Variants in TTN observed in about 807,000 individuals in gnomAD.
TTN encodes the protein titin.
Under a neutral mutation model 3,223.0 loss-of-function variants are expected in TTN, and 1,525 were observed. That is an observed-to-expected ratio of 0.47 (90% confidence interval 0.45 to 0.49). The LOEUF (loss-of-function observed/expected upper bound fraction) is 0.49, where lower values mean the gene tolerates loss of function less well. TTN is among the 20% of genes least tolerant of loss of function. The probability of loss-of-function intolerance (pLI) is 0.00; values close to 1 mark genes in which losing one functional copy is unlikely to be tolerated. For synonymous variants in TTN, 14,094 were observed against 15,161.0 expected (o/e 0.93, Z 5.17); for missense variants, 40,786 against 43,424.0 (o/e 0.94, Z 5.40).
In TTN at chr2:178,558,118, G is replaced by C. The variant is rs1057520580; in HGVS notation, c.87236C>G (p.Ser29079Ter). The C allele has an allele frequency of 6.2e-7, 1 of 1,613,856 alleles. No individual in the cohort carries two copies. Among genetic ancestry groups the C allele is most frequent in the Non-Finnish European group, 8.5e-7 (1 of 1,179,824 alleles). ...TGCCTTAAGGGGGACACCATCTCTT[G>C]ATAAGGTCACTTTGGGAAGTGGTTT... Reference protein sequence around the residue: ...SGKPLPKVTLSRDGVPLKATM... With the variant: ...SGKPLPKVTL Residue 29079 changes from serine (S) to a stop codon, truncating the protein, a stop_gained, in exon 328 of 363, where the codon TCA becomes TGA. Transcript: ENST00000589042. LOFTEE classifies it high-confidence loss of function.
chr2:178,637,145 G>GGATA (rs1195810757), intron 224 of TTN, among the ~76,000 whole-genome samples: 6 of 19,180 alleles, frequency 3.1e-4, no homozygotes, highest in African/African-American at 7.3e-4. Context: ...AAATATAGTT[G>GGATA]GATATATATA....
chr2:178,651,143 T>C, intron 208 of TTN, 100 bp downstream of exon 208: 1 of 960,646 alleles, frequency 1.0e-6, no homozygotes, highest in Non-Finnish European at 1.6e-6. Flanking sequence ...AGTTTTGTAG[T>C]TGCAAATTTA....
Position 178,577,228 on chromosome 2 carries a change from G to A in TTN, c.69107C>T (p.Thr23036Ile), listed in dbSNP as rs1056452429. The A allele has an allele frequency of 1.2e-6, 2 of 1,612,970 alleles. No homozygotes were observed. Among genetic ancestry groups the A allele is most frequent in the Admixed American group, 1.7e-5 (1 of 59,932 alleles). The change falls in exon 324 of 363, where the codon ACA becomes ATA. Residue 23036 changes from threonine to isoleucine, a missense_variant. By Grantham distance (89) the Thr-to-Ile change is moderately conservative. Transcript: ENST00000589042. ...TGGGGGACCAGGTACATCAAGGACT[G>A]TTACCTTCACATGTTCCACCTTCGT... Reference protein sequence around the residue: ...FGTKVEHVKVTVLDVPGPPGP... With the variant: ...FGTKVEHVKVIVLDVPGPPGP...
chr2:178,728,789 A>G lies in TTN; in HGVS notation c.19148-11T>C. 6.3e-7 allele frequency: 1 copy of G among 1,590,016 alleles called. No homozygotes were observed. The highest frequency in any genetic ancestry group is 8.6e-7 in the Non-Finnish European group (1 of 1,163,784). On this transcript the variant is annotated splice_polypyrimidine_tract_variant and intron_variant, in intron 65 of 362. Coordinates refer to ENST00000589042, the MANE Select transcript of TTN (RefSeq NM_001267550.2). ...CGATTTGAGCTGGTTCTGTAGTAAAAATGAAAATGTGGATGAGTTACATTG... is the reference window on the plus strand; with the variant it reads ...CGATTTGAGCTGGTTCTGTAGTAAAGATGAAAATGTGGATGAGTTACATTG...
In TTN at chr2:178,719,249, C is replaced by T; in HGVS notation, c.24141G>A (p.Leu8047=). The T allele has an allele frequency of 6.2e-7, 1 of 1,613,698 alleles. No individual in the cohort carries two copies. The highest frequency in any genetic ancestry group is 8.5e-7 in the Non-Finnish European group (1 of 1,179,730). Residue 8047 remains leucine (L), a synonymous_variant, in exon 83 of 363, where the codon TTG becomes TTA. Transcript: ENST00000589042. ...ENVCTLNLSL[L]EPSDTGIYTC... ...TGTATATGCCTGTGTCGGAGGGCTC[C>T]AACAAGCTCAGATTCAAAGTACAGA...
rs764365197 is a variant in TTN at position 178,678,216 on chromosome 2, G to T, written c.33911-8C>A. The T allele has an allele frequency of 1.9e-5, 30 of 1,597,446 alleles. No individual in the cohort carries two copies. The South Asian group carries it at 2.8e-4, about 15-fold the overall frequency. Reference sequence around the variant, plus strand: ...TCTTGGGCACCTCTGGCACTTTAAAGATATTATTTATATTTAGGAATATGT... The same window carrying T: ...TCTTGGGCACCTCTGGCACTTTAAATATATTATTTATATTTAGGAATATGT... On this transcript the variant is annotated splice_region_variant and splice_polypyrimidine_tract_variant and intron_variant, in intron 144 of 362. Transcript: ENST00000589042.
intron 47 of TTN, chr2:178,751,884 AAG>A: frequency 6.2e-7 from 1 of 1,604,846 alleles, no homozygotes; most frequent in South Asian, 1.1e-5. Context: ...TTCTGGGTAA[AAG>A]AAGGCTTAAA....
At position 178,546,879 on chromosome 2, in the gene TTN, C is replaced by T. The variant is rs754507654; in HGVS notation, c.94549G>A (p.Asp31517Asn). 6.3e-7 allele frequency: 1 copy of T among 1,592,946 alleles called. No individual in the cohort carries two copies. The highest frequency in any genetic ancestry group is 1.3e-5 in the African/African-American group (1 of 74,700). ...AGTGATACTGTTGATCTTGTGACAT[C>T]TGTCACCTCTGGTCTGCCTGGTGCA... is the stretch of plus-strand genomic sequence containing the variant. ...VDAPGRPEVT[D>N]VTRSTVSLIW... The change falls in exon 341 of 363, where the codon GAT (aspartate) becomes AAT (asparagine). Residue 31517 changes from aspartate to asparagine, a missense_variant. Coordinates refer to ENST00000589042, the MANE Select transcript of TTN (RefSeq NM_001267550.2).
chr2:178,771,457 T>G lies in TTN; in HGVS notation c.7870A>C (p.Lys2624Gln). Residue 2624 changes from lysine (K) to glutamine (Q), a missense_variant, in exon 34 of 363, where the codon AAG (lysine) becomes CAG (glutamine). By Grantham distance (53) the Lys-to-Gln change is moderately conservative. Coordinates refer to ENST00000589042, the MANE Select transcript of TTN (RefSeq NM_001267550.2). ...KLTVAGGAIS[K>Q]PLTDQTVAES... Reference sequence around the variant, plus strand: ...GCTACGGTCTGATCTGTGAGTGGCTTGGAGATGGCCCCACCTTTGGAACAA... The same window carrying G: ...GCTACGGTCTGATCTGTGAGTGGCTGGGAGATGGCCCCACCTTTGGAACAA... 1 of 1,613,910 alleles carries G rather than the reference T, an allele frequency of 6.2e-7. No individual in the cohort carries two copies. Among genetic ancestry groups the G allele is most frequent in the South Asian group, 1.1e-5 (1 of 91,080 alleles).
chr2:178,724,647 C>T (rs1246373899), intron 71 of TTN, 109 bp from the exon 72 acceptor site: 2 of 1,142,748 alleles, frequency 1.8e-6, no homozygotes, highest in Non-Finnish European at 2.3e-6. Context: ...TGTTAGGGTG[C>T]TCTCTCTCTC....
chr2:178,552,606 G>T lies in TTN; in HGVS notation c.90294C>A (p.Val30098=), dbSNP rs765776062. 1.2e-6 allele frequency: 2 copies of T among 1,613,832 alleles called. No homozygotes were observed. The highest frequency in any genetic ancestry group is 2.2e-5 in the South Asian group (2 of 91,078). ...IEVSQLKEQS[V]LEFRVFAKNE... is the part of the protein sequence containing the mutation. ...TTTTGGCAAACACTCTGAACTCCAG[G>T]ACTGACTGCTCCTTAAGTTGGCTAA... The change falls in exon 335 of 363, where the codon GTC becomes GTA. Residue 30098 remains valine, a synonymous_variant. Coordinates refer to ENST00000589042, the MANE Select transcript of TTN (RefSeq NM_001267550.2).
intron 47 of TTN, chr2:178,749,948 G>A (rs1415794702): frequency 6.2e-7 from 1 of 1,613,044 alleles, no homozygotes; most frequent in Non-Finnish European, 8.5e-7. Flanking sequence ...AGTAATATCA[G>A]ACAAAAATAC....
At chr2:178,624,860 C>T (rs1249808211) in intron 241 of TTN, 129 bp from the exon 242 acceptor site, 14 of 1,008,568 alleles carry the variant, frequency 1.4e-5, no homozygotes, top group Non-Finnish European at 2.0e-5. Flanking sequence ...GTTTTGATTA[C>T]ACTCAGACAT....
chr2:178,805,937 G>T (rs1292644603), intron 1 of TTN, among the ~76,000 whole-genome samples: 1 of 152,140 alleles, frequency 6.6e-6, no homozygotes. Flanking sequence ...ATTATGTGAA[G>T]AATTTTCTGA....
rs1488977812 is a variant in TTN at position 178,672,708 on chromosome 2, A to G, written c.34787-5T>C. On this transcript the variant is annotated splice_polypyrimidine_tract_variant and splice_region_variant and intron_variant, in intron 152 of 362. Transcript: ENST00000589042. Reference sequence around the variant, plus strand: ...CCTCAGGAATTTTCTTTGACACTTTAAAGATATTAGGTGTTTTAGTTAGCT... The same window carrying G: ...CCTCAGGAATTTTCTTTGACACTTTGAAGATATTAGGTGTTTTAGTTAGCT... 11 of 1,596,108 alleles carry G rather than the reference A, an allele frequency of 6.9e-6. No individual in the cohort carries two copies. The highest frequency in any genetic ancestry group is 8.5e-6 in the Non-Finnish European group (10 of 1,170,030).
chr2:178,614,955 C>T lies in TTN; in HGVS notation c.48652G>A (p.Gly16218Ser), dbSNP rs566086846. 2.5e-6 allele frequency: 4 copies of T among 1,598,334 alleles called. No homozygotes were observed. In the Admixed American group the frequency reaches 5.2e-5, roughly 21 times the overall value. ...PVAETKMEVT[G>S]LEEGKWYAYR... ...GCATACCATTTGCCTTCCTCAAGAC[C>T]TGTCACTTCCATTCTGTCAGAAAAC... The change falls in exon 260 of 363, where the codon GGT (glycine) becomes AGT (serine). Residue 16218 changes from glycine (G) to serine (S), a missense_variant. By Grantham distance (56) the Gly-to-Ser change is moderately conservative. Coordinates refer to ENST00000589042, the MANE Select transcript of TTN (RefSeq NM_001267550.2).
chr2:178,682,667 G>A (rs746886930), intron 135 of TTN, 30 bp downstream of exon 135: 1 of 1,568,634 alleles, frequency 6.4e-7, no homozygotes, highest in African/African-American at 1.4e-5. Flanking sequence ...CATATTTAGT[G>A]TGGTTTTGAG....
chr2:178,594,655 A>G lies in TTN; in HGVS notation c.57848-9T>C, dbSNP rs1404639698. ...AGGACGCTCTGGTACAGCTGCGAAT[A>G]TAAGTATAGGAATTGTGGTAGAAAA... On this transcript the variant is annotated splice_polypyrimidine_tract_variant and intron_variant, in intron 295 of 362. Transcript: ENST00000589042. 3.2e-5 allele frequency: 50 copies of G among 1,583,080 alleles called. No homozygotes were observed. Among genetic ancestry groups the G allele is most frequent in the Non-Finnish European group, 4.0e-5 (47 of 1,165,072 alleles).
At chr2:178,746,977 G>T in intron 47 of TTN, 3 of 1,613,426 alleles carry the variant, frequency 1.9e-6, no homozygotes, top group Non-Finnish European at 2.5e-6. Flanking sequence ...TTGGTGTACC[G>T]TCTTCCCTTT....
Sources: gnomAD v4.1 joint callset for allele counts (sites outside exome capture counted in the v4.1 genomes callset) on GRCh38, gnomAD v4.1.1 for gene constraint, MANE v1.5 for transcripts, NCBI Gene and HGNC (gene_info 2026-07-23, HGNC 2026-07-21) for gene names.